The following TAS2R1 variants were observed in gnomAD, a reference collection of about 807,000 sequenced individuals.
TAS2R1 encodes taste 2 receptor member 1, also known as taste receptor type 2 member 1.
For synonymous variants in TAS2R1, 141 were observed against 134.2 expected, an observed-to-expected ratio of 1.05 and a Z score of -0.35; for missense variants, 370 against 353.4, an observed-to-expected ratio of 1.05 and a Z score of -0.38.
intron 1 of TAS2R1, among the ~76,000 whole-genome samples, chr5:9,665,031 C>T (rs561327764): frequency 6.6e-6 from 1 of 152,312 alleles, no homozygotes; most frequent in South Asian, 2.1e-4. Flanking sequence ...TTCTGCCAGT[C>T]AGGAGTCCAA....
the TAS2R1 span, among the ~76,000 whole-genome samples, chr5:9,806,010 C>A: frequency 6.6e-6 from 1 of 152,058 alleles, no homozygotes; most frequent in Non-Finnish European, 1.5e-5. Flanking sequence ...AAAGACTCAT[C>A]CAAAAAGCTT....
the TAS2R1 span, among the ~76,000 whole-genome samples, chr5:9,754,491 C>T: frequency 2.7e-3 from 417 of 152,250 alleles, 4 homozygotes; most frequent in African/African-American, 9.1e-3. Flanking sequence ...TGATTGTATA[C>T]CTAGAAAACC....
At chr5:9,682,257 A>G (rs1426101047) in intron 1 of TAS2R1, among the ~76,000 whole-genome samples, 3 of 152,258 alleles carry the variant, frequency 2.0e-5, no homozygotes, top group Admixed American at 6.5e-5. Context: ...TTTATTGCCA[A>G]CAAAGCAGGT....
At chr5:9,716,506 C>T (rs1734815243), upstream of TAS2R1, among the ~76,000 whole-genome samples, 2 of 151,666 alleles carry the variant, frequency 1.3e-5, no homozygotes, top group Admixed American at 1.3e-4. Context: ...TCGATTTCAG[C>T]CAATCCAGAT....
chr5:9,836,595 T>A, the TAS2R1 span, among the ~76,000 whole-genome samples: 1 of 152,180 alleles, frequency 6.6e-6, no homozygotes, highest in Non-Finnish European at 1.5e-5. Flanking sequence ...TATAATGGAA[T>A]GCTAAGAGGA....
the TAS2R1 span, among the ~76,000 whole-genome samples, chr5:9,789,840 A>AGCAACAAGTATATT: frequency 6.6e-6 from 1 of 152,248 alleles, no homozygotes; most frequent in African/African-American, 2.4e-5. Flanking sequence ...AGGGATTTAC[A>AGCAACAAGTATATT]GCAACAAGTA....
the TAS2R1 span, among the ~76,000 whole-genome samples, chr5:9,718,159 C>T: frequency 1.2e-4 from 18 of 149,254 alleles, no homozygotes; most frequent in East Asian, 2.0e-4. Flanking sequence ...TTAGTAGAGA[C>T]GGTGTTTCGC....
intron 1 of TAS2R1, among the ~76,000 whole-genome samples, chr5:9,690,035 T>C (rs1339645188): frequency 2.0e-5 from 3 of 152,202 alleles, no homozygotes; most frequent in African/African-American, 4.8e-5. Context: ...TAATTGAATC[T>C]TTTCTAAACT....
At chr5:9,859,937 G>A in the TAS2R1 span, among the ~76,000 whole-genome samples, 398 of 152,324 alleles carry the variant, frequency 2.6e-3, 3 homozygotes, top group East Asian at 0.035. Context: ...TAAAAGTACT[G>A]TGTGCATTGT....
the TAS2R1 span, among the ~76,000 whole-genome samples, chr5:9,777,314 A>G: frequency 2.2e-3 from 339 of 152,354 alleles, 1 homozygote; most frequent in African/African-American, 7.5e-3. Flanking sequence ...CAATATTCTA[A>G]GTCTTTTGTG....
chr5:9,636,386 G>A (rs1739964847), intron 2 of TAS2R1, among the ~76,000 whole-genome samples: 1 of 152,080 alleles, frequency 6.6e-6, no homozygotes, highest in South Asian at 2.1e-4. Context: ...AATGTTCCAT[G>A]TACTGAAGAA....
At chr5:9,735,168 T>C in the TAS2R1 span, among the ~76,000 whole-genome samples, 1 of 151,330 alleles carries the variant, frequency 6.6e-6, no homozygotes, top group East Asian at 1.9e-4. Flanking sequence ...TCATGAGAAC[T>C]GGAAGGCGGA....
intron 1 of TAS2R1, among the ~76,000 whole-genome samples, chr5:9,691,711 C>T (rs1741252797): frequency 1.3e-5 from 2 of 152,230 alleles, no homozygotes; most frequent in South Asian, 4.1e-4. Context: ...CAGTTAAGGA[C>T]AGGCGGAACC....
the TAS2R1 span, among the ~76,000 whole-genome samples, chr5:9,797,084 C>A: frequency 9.2e-5 from 14 of 152,284 alleles, no homozygotes; most frequent in Non-Finnish European, 1.6e-4. Context: ...TGATTGGGCT[C>A]ACCAATCCTC....
intron 1 of TAS2R1, chr5:9,660,064 T>C (rs1740500488): frequency 6.8e-6 from 1 of 147,928 alleles, no homozygotes; most frequent in Non-Finnish European, 1.5e-5. Flanking sequence ...TTCTTTTTTT[T>C]TTTTTTTTTT....
the TAS2R1 span, among the ~76,000 whole-genome samples, chr5:9,744,803 A>G: frequency 6.6e-6 from 1 of 152,130 alleles, no homozygotes; most frequent in African/African-American, 2.4e-5. Flanking sequence ...TCATATTTAA[A>G]TTTTCCATTT....
the TAS2R1 span, among the ~76,000 whole-genome samples, chr5:9,886,936 T>C: frequency 2.9e-4 from 44 of 152,146 alleles, no homozygotes; most frequent in Non-Finnish European, 4.4e-4. Context: ...GTAATGGCGA[T>C]GGCCCTTAAC....
intron 1 of TAS2R1, among the ~76,000 whole-genome samples, chr5:9,687,883 T>C (rs1045056229): frequency 6.6e-6 from 1 of 152,194 alleles, no homozygotes. Flanking sequence ...CCTCAAGACA[T>C]TGTATAAGCT....
the TAS2R1 span, among the ~76,000 whole-genome samples, chr5:9,812,027 T>A: frequency 6.6e-6 from 1 of 152,024 alleles, no homozygotes; most frequent in Non-Finnish European, 1.5e-5. Context: ...TCAACTGTCA[T>A]CTCCTCAGAG....
Sources: gnomAD v4.1 joint callset for allele counts (sites outside exome capture counted in the v4.1 genomes callset) on GRCh38, gnomAD v4.1.1 for gene constraint, MANE v1.5 for transcripts, NCBI Gene and HGNC (gene_info 2026-07-23, HGNC 2026-07-21) for gene names.